The following FRAS1 variants were observed in gnomAD, a reference collection of about 807,000 sequenced individuals.
The protein encoded by FRAS1 is Fraser extracellular matrix complex subunit 1.
In FRAS1, 290 loss-of-function variants were observed where a neutral mutation model predicts 435.2. That is an observed-to-expected ratio of 0.67 (90% CI 0.61 to 0.73). FRAS1 has a LOEUF of 0.73. FRAS1 is among the 30% of genes least tolerant of loss of function. The pLI is 0.00. For missense variants in FRAS1, 4,860 were observed against 5,001.5 expected, an observed-to-expected ratio of 0.97 and a Z score of 0.85; for synonymous variants, 1,800 against 1,851.0, an observed-to-expected ratio of 0.97 and a Z score of 0.71.
chr4:78,242,245 C>G (rs958602707), intron 3 of FRAS1, among the ~76,000 whole-genome samples: 1 of 152,138 alleles, frequency 6.6e-6, no homozygotes. Flanking sequence ...TTATCCAGAG[C>G]TAGGAGGTGG....
At chr4:78,314,688 A>G (rs1236538882) in intron 15 of FRAS1, among the ~76,000 whole-genome samples, 1 of 152,158 alleles carries the variant, frequency 6.6e-6, no homozygotes, top group Non-Finnish European at 1.5e-5. Flanking sequence ...AAATGAAACT[A>G]CTGTTTTCCT....
Position 78,475,453 on chromosome 4 carries a change from G to A in FRAS1, c.7698G>A (p.Glu2566=). The A allele has an allele frequency of 6.2e-7, 1 of 1,613,948 alleles. No individual in the cohort carries two copies. Among genetic ancestry groups the A allele is most frequent in the Non-Finnish European group, 8.5e-7 (1 of 1,179,846 alleles). ...SFKYTSYNVS[E]KAGSVSVTVQ... ...GTGCTTCCAGCTACAATGTCAGTGA[G>A]AAGGCAGGGTCTGTCAGTGTCACGG... The change falls in exon 54 of 74, where the codon GAG becomes GAA. Residue 2566 remains glutamate, a synonymous_variant. Coordinates refer to ENST00000512123, the MANE Select transcript of FRAS1 (RefSeq NM_025074.7).
chr4:78,358,905 A>G (rs540753025), intron 20 of FRAS1, among the ~76,000 whole-genome samples: 1 of 152,334 alleles, frequency 6.6e-6, no homozygotes, highest in South Asian at 2.1e-4. Flanking sequence ...ATATTGAGTA[A>G]AAAAGGTACT....
chr4:78,409,960 C>G (rs1733268703), intron 31 of FRAS1, among the ~76,000 whole-genome samples: 1 of 152,152 alleles, frequency 6.6e-6, no homozygotes, highest in Non-Finnish European at 1.5e-5. Flanking sequence ...ATTTGGAAAC[C>G]ATTAAAATGA....
At chr4:78,368,345 TC>T (rs1454279808) in intron 22 of FRAS1, among the ~76,000 whole-genome samples, 8 of 148,804 alleles carry the variant, frequency 5.4e-5, no homozygotes, top group African/African-American at 1.8e-4. Flanking sequence ...TTTTTTTTTT[TC>T]AGGGAGGTAA....
chr4:78,184,749 A>G (rs1488401750), intron 2 of FRAS1, among the ~76,000 whole-genome samples: 1 of 152,196 alleles, frequency 6.6e-6, no homozygotes, highest in Non-Finnish European at 1.5e-5. Context: ...GGAAGAGCCC[A>G]ATCCCTTATA....
chr4:78,204,420 C>T (rs1723169033), intron 2 of FRAS1, among the ~76,000 whole-genome samples: 2 of 152,084 alleles, frequency 1.3e-5, no homozygotes, highest in African/African-American at 4.8e-5. Context: ...GTGGTGCTTT[C>T]CCAAAGTAAA....
In FRAS1 at chr4:78,481,691, C is replaced by T. The variant is rs532638813; in HGVS notation, c.8444-113C>T. On this transcript the variant is annotated intron_variant, in intron 56 of 73. Coordinates refer to ENST00000512123, the MANE Select transcript of FRAS1 (RefSeq NM_025074.7). Reference sequence around the variant, plus strand: ...CATCACTGAAGCTAGATTAGAAAAGCTCAAAGGGCTAAAAGCTGCCACTAT... The same window carrying T: ...CATCACTGAAGCTAGATTAGAAAAGTTCAAAGGGCTAAAAGCTGCCACTAT... 1.0e-4 allele frequency: 119 copies of T among 1,184,120 alleles called. No individual in the cohort carries two copies. In the African/African-American group the frequency reaches 1.7e-3, roughly 17 times the overall value. 73.4% of individuals were successfully genotyped at this position (1,184,120 alleles called of 1,614,324 possible).
intron 37 of FRAS1, 112 bp from the exon 38 acceptor site, chr4:78,432,245 C>A (rs1004343847): frequency 1.9e-6 from 2 of 1,071,056 alleles, no homozygotes; most frequent in South Asian, 2.4e-5. Flanking sequence ...GCCTGTAACT[C>A]CCTGAGTTAT....
chr4:78,182,646 G>A (rs1340112792), intron 2 of FRAS1, among the ~76,000 whole-genome samples: 3 of 152,096 alleles, frequency 2.0e-5, no homozygotes, highest in Non-Finnish European at 4.4e-5. Context: ...GGGAGGCCGA[G>A]GCAGGCGGAT....
chr4:78,452,283 G>T lies in FRAS1; in HGVS notation c.6692G>T (p.Gly2231Val). The T allele has an allele frequency of 6.2e-7, 1 of 1,613,416 alleles. No individual in the cohort carries two copies. Among genetic ancestry groups the T allele is most frequent in the African/African-American group, 1.3e-5 (1 of 74,956 alleles). Residue 2231 changes from glycine (G) to valine (V), a missense_variant, in exon 47 of 74, where the codon GGG (glycine) becomes GTG (valine). Transcript: ENST00000512123. ...CTGTCTGCCACTGACCAGGACAGTGGGCCTACAGAATTGATCTACAGAATC... is the reference window on the plus strand; with the variant it reads ...CTGTCTGCCACTGACCAGGACAGTGTGCCTACAGAATTGATCTACAGAATC... Reference protein sequence around the residue: ...LQLSATDQDSGPTELIYRITR... With the variant: ...LQLSATDQDSVPTELIYRITR...
chr4:78,111,848 A>G (rs541486061), intron 2 of FRAS1, among the ~76,000 whole-genome samples: 62 of 152,254 alleles, frequency 4.1e-4, no homozygotes, highest in African/African-American at 1.4e-3. Flanking sequence ...AAAAACGTAG[A>G]AAATAAAAGG....
At chr4:78,450,098 C>A in intron 44 of FRAS1, 53 bp from the exon 45 acceptor site, 1 of 1,423,594 alleles carries the variant, frequency 7.0e-7, no homozygotes, top group South Asian at 1.3e-5. Context: ...ATTTGACATC[C>A]CGTTCAAAGG....
At chr4:78,178,744 T>C (rs1721877674) in intron 2 of FRAS1, among the ~76,000 whole-genome samples, 1 of 152,098 alleles carries the variant, frequency 6.6e-6, no homozygotes, top group Non-Finnish European at 1.5e-5. Context: ...ATTAAACTAA[T>C]TACCTCTACA....
chr4:78,282,964 T>G lies in FRAS1; in HGVS notation c.1252T>G (p.Ser418Ala). ...VKGQCCPDCT[S>A]VHCHPDCLTC... Reference sequence around the variant, plus strand: ...GGGACAGTGCTGTCCAGACTGCACATCAGGTGGGTCCATGTCTCCTCTGTT... The same window carrying G: ...GGGACAGTGCTGTCCAGACTGCACAGCAGGTGGGTCCATGTCTCCTCTGTT... The change falls in exon 12 of 74, where the codon TCA (serine) becomes GCA (alanine). Residue 418 changes from serine (S) to alanine (A), a missense_variant. Coordinates refer to ENST00000512123, the MANE Select transcript of FRAS1 (RefSeq NM_025074.7). The G allele has an allele frequency of 6.5e-7, 1 of 1,528,850 alleles. No homozygotes were observed. The highest frequency in any genetic ancestry group is 1.4e-5 in the African/African-American group (1 of 70,728). 94.7% of individuals were successfully genotyped at this position (1,528,850 alleles called of 1,614,324 possible).
intron 41 of FRAS1, among the ~76,000 whole-genome samples, chr4:78,445,302 A>G (rs1227140452): frequency 6.6e-6 from 1 of 152,236 alleles, no homozygotes; most frequent in South Asian, 2.1e-4. Context: ...TGGAAATGGC[A>G]GGGCAGGTAT....
chr4:78,413,854 A>G (rs1733449687), intron 32 of FRAS1, among the ~76,000 whole-genome samples: 1 of 152,180 alleles, frequency 6.6e-6, no homozygotes, highest in Non-Finnish European at 1.5e-5. Context: ...TAGTTGAGAC[A>G]ATTAGCAACT....
In FRAS1 at chr4:78,237,613, A is replaced by T. The variant is rs1199550809; in HGVS notation, c.212A>T (p.Glu71Val). The change falls in exon 3 of 74, where the codon GAG (glutamate) becomes GTG (valine). Residue 71 changes from glutamate (E) to valine (V), a missense_variant. By Grantham distance (121) the Glu-to-Val change is moderately radical. Transcript: ENST00000512123. Reference protein sequence around the residue: ...AVCRNPQCAFEKGEVLQIAAN... With the variant: ...AVCRNPQCAFVKGEVLQIAAN... ...TGCAGAAACCCTCAATGTGCCTTTG[A>T]GAAGGTACGGTATCCTAATTGTGTC... 1 of 1,584,848 alleles carries T rather than the reference A, an allele frequency of 6.3e-7. No homozygotes were observed. Among genetic ancestry groups the T allele is most frequent in the Non-Finnish European group, 8.6e-7 (1 of 1,156,658 alleles).
chr4:78,518,874 C>T (rs17430229), intron 66 of FRAS1, among the ~76,000 whole-genome samples: 21,210 of 152,118 alleles, frequency 0.14, 1,779 homozygotes, highest in Non-Finnish European at 0.2. Context: ...TCCTCCCAGG[C>T]GTCTGGATGT....
Sources: gnomAD v4.1 joint callset for allele counts (sites outside exome capture counted in the v4.1 genomes callset) on GRCh38, gnomAD v4.1.1 for gene constraint, MANE v1.5 for transcripts, NCBI Gene and HGNC (gene_info 2026-07-23, HGNC 2026-07-21) for gene names.